Variants in GREB1 observed in about 807,000 individuals in gnomAD.
The protein encoded by GREB1 is protein GREB1.
Under a neutral mutation model 200.7 loss-of-function variants are expected in GREB1, and 106 were observed. That is an observed-to-expected ratio of 0.53 (90% CI 0.45 to 0.62). The LOEUF (loss-of-function observed/expected upper bound fraction) is 0.62, where lower values mean the gene tolerates loss of function less well. Ranked by LOEUF, GREB1 falls within the 20% of genes least tolerant of loss-of-function variation. GREB1 has a pLI of 0.00. For missense variants in GREB1, 2,243 were observed against 2,556.8 expected (o/e 0.88, Z 2.65); for synonymous variants, 1,132 against 1,092.4 (o/e 1.04, Z -0.72).
At chr2:11,506,886 T>C (rs1673195432) in intron 1 of GREB1, among the ~76,000 whole-genome samples, 1 of 151,976 alleles carries the variant, frequency 6.6e-6, no homozygotes, top group Non-Finnish European at 1.5e-5. Context: ...TCACACTTTG[T>C]TTTTCAGAAC....
chr2:11,605,059 A>G (rs1470775653), intron 17 of GREB1, among the ~76,000 whole-genome samples: 1 of 147,554 alleles, frequency 6.8e-6, no homozygotes, highest in Admixed American at 6.8e-5. Context: ...AAGGGTGGGC[A>G]TAGTTCTCTG....
chr2:11,598,857 T>A lies in GREB1; in HGVS notation c.2330T>A (p.Val777Glu). 1.2e-6 allele frequency: 2 copies of A among 1,612,608 alleles called. No homozygotes were observed. The highest frequency in any genetic ancestry group is 1.7e-6 in the Non-Finnish European group (2 of 1,178,686). ...CATGACCATGCGCACTGGGATCTTG[T>A]GAGGTTAGATTGACTTGATATATGA... ...LIHDHAHWDL[V>E]SSTVHNLYSQ... is the part of the protein sequence containing the mutation. The change falls in exon 15 of 33, where the codon GTG (valine) becomes GAG (glutamate). Residue 777 changes from valine to glutamate, a missense_variant. Around this residue, in one of 3 missense-constraint regions of GREB1, gnomAD observed 1,178 missense variants for 1,387.4 expected, o/e 0.85. Transcript: ENST00000381486.
At chr2:11,602,795 A>G (rs1681902694) in intron 17 of GREB1, among the ~76,000 whole-genome samples, 1 of 152,198 alleles carries the variant, frequency 6.6e-6, no homozygotes, top group Non-Finnish European at 1.5e-5. Context: ...GGAATGTGGA[A>G]TTATGTTTTT....
rs995859904 is a variant in GREB1, at chr2:11,638,197, A to G, written c.5547+281A>G. 5.8e-4 allele frequency among the ~76,000 whole-genome samples: 88 copies of G among 152,236 alleles called. 1 individual carries two copies. The highest frequency in any genetic ancestry group is 2.1e-3 in the African/African-American group (86 of 41,544). Reference sequence around the variant, plus strand: ...CTTTTGTCGCCCAGGCTGGAGTGCAATGGCACGATCTCAGCTCACTGCAGT... The same window carrying G: ...CTTTTGTCGCCCAGGCTGGAGTGCAGTGGCACGATCTCAGCTCACTGCAGT... On this transcript the variant is annotated intron_variant, in intron 31 of 32. Coordinates refer to ENST00000381486, the MANE Select transcript of GREB1 (RefSeq NM_014668.4).
intron 2 of GREB1, among the ~76,000 whole-genome samples, chr2:11,556,984 G>A (rs189834985): frequency 6.6e-6 from 1 of 152,352 alleles, no homozygotes; most frequent in African/African-American, 2.4e-5. Context: ...ATTATTCATT[G>A]AATCAGTAGG....
intron 4 of GREB1, among the ~76,000 whole-genome samples, chr2:11,572,391 C>T (rs1358554312): frequency 6.6e-6 from 1 of 152,174 alleles, no homozygotes; most frequent in Non-Finnish European, 1.5e-5. Flanking sequence ...AGGGAGTGGC[C>T]CCAGCAGTAA....
rs151273001 is a variant in GREB1, at chr2:11,483,440, GGT to G, written c.-159+1074_-159+1075del. 7.3e-5 allele frequency among the ~76,000 whole-genome samples: 11 copies of G among 150,662 alleles called. No homozygotes were observed. The East Asian group carries it at 1.4e-3, about 19-fold the overall frequency. On this transcript the variant is annotated intron_variant, in intron 1 of 2. Transcript: ENST00000628795. ...GTGACGGTGATAATCGTATTGCAAG[GGT>G]GTGTGTGTGTGTGTATCTGCCTCTG...
intron 5 of GREB1, among the ~76,000 whole-genome samples, chr2:11,577,732 CT>C (rs1265476301): frequency 6.6e-6 from 1 of 152,206 alleles, no homozygotes; most frequent in East Asian, 1.9e-4. Context: ...GCACGCCCCC[CT>C]CACACCCGAC....
In GREB1 at chr2:11,633,662, T is replaced by C; in HGVS notation, c.4992-469T>C. Among the ~76,000 whole-genome samples the C allele has an allele frequency of 6.6e-6, 1 of 151,920 alleles. No homozygotes were observed. Among genetic ancestry groups the C allele is most frequent in the East Asian group, 1.9e-4 (1 of 5,188 alleles). ...TATATAGACAAAAAAGAAAGTATAA[T>C]ACATATACAGAACTTTTCCCAAGCT... On this transcript the variant is annotated intron_variant, in intron 28 of 32. Coordinates refer to ENST00000381486, the MANE Select transcript of GREB1 (RefSeq NM_014668.4). The surrounding 1 kb of genome is among the most constrained non-coding windows in gnomAD (Gnocchi z 4.1).
intron 1 of GREB1, chr2:11,539,818 GGTT>G (rs927932646): frequency 5.7e-5 from 3 of 52,282 alleles, no homozygotes; most frequent in Admixed American, 1.9e-4. Context: ...TTTTTTTTTT[GGTT>G]GTTGTTGTAG....
chr2:11,497,971 CTTTTTTT>C (rs70955803), intron 1 of GREB1, among the ~76,000 whole-genome samples: 79 of 40,576 alleles, frequency 1.9e-3, no homozygotes, highest in Non-Finnish European at 3.0e-3. Context: ...CAGAGCAAAA[CTTTTTTT>C]TTTTTTTTTT....
chr2:11,615,134 T>C lies in GREB1; in HGVS notation c.3166T>C (p.Leu1056=). ...CCTGCGATTGATAAACTCCTCCTGCTTGGTGAGAACAGCCTTGGAGCAGGA... is the reference window on the plus strand; with the variant it reads ...CCTGCGATTGATAAACTCCTCCTGCCTGGTGAGAACAGCCTTGGAGCAGGA... The part of the protein sequence containing the change: ...CDLRLINSSC[L]VRTALEQELG... Residue 1056 remains leucine, a synonymous_variant, in exon 20 of 33, where the codon TTG becomes CTG. Coordinates refer to ENST00000381486, the MANE Select transcript of GREB1 (RefSeq NM_014668.4). 5.6e-6 allele frequency: 9 copies of C among 1,614,220 alleles called. No homozygotes were observed. The Middle Eastern group carries it at 6.6e-4, about 118-fold the overall frequency.
intron 1 of GREB1, among the ~76,000 whole-genome samples, chr2:11,546,064 C>T (rs1236302737): frequency 2.6e-5 from 4 of 152,112 alleles, no homozygotes; most frequent in Non-Finnish European, 5.9e-5. Context: ...GTAGTCCCAG[C>T]TACTCGGGAG....
intron 22 of GREB1, among the ~76,000 whole-genome samples, chr2:11,619,230 T>C (rs1683797773): frequency 2.0e-5 from 3 of 152,182 alleles, no homozygotes; most frequent in Non-Finnish European, 4.4e-5. Flanking sequence ...CTCTGACAAA[T>C]AGAAACAAAA....
At chr2:11,515,386 A>C (rs1052011978) in intron 1 of GREB1, among the ~76,000 whole-genome samples, 1 of 152,274 alleles carries the variant, frequency 6.6e-6, no homozygotes, top group Non-Finnish European at 1.5e-5. Flanking sequence ...AATGTCATTA[A>C]CTGCAAGCCT....
chr2:11,612,745 G>T (rs1426888441), intron 19 of GREB1, 135 bp downstream of exon 19: 2 of 598,370 alleles, frequency 3.3e-6, no homozygotes, highest in African/African-American at 3.7e-5. Flanking sequence ...CGTGGGTGGG[G>T]CCTTCATCGT....
chr2:11,627,168 T>C, intron 25 of GREB1, 64 bp downstream of exon 25: 4 of 1,417,484 alleles, frequency 2.8e-6, no homozygotes, highest in Non-Finnish European at 3.8e-6. Flanking sequence ...TCCCCTGCTC[T>C]CTCACGCTTT....
chr2:11,541,588 G>A (rs891865433), intron 1 of GREB1, among the ~76,000 whole-genome samples: 5 of 152,120 alleles, frequency 3.3e-5, no homozygotes, highest in African/African-American at 7.2e-5. Flanking sequence ...TAGGCTCCTC[G>A]TGCTACTCAC....
chr2:11,592,203 TAA>T (rs1474319948), intron 10 of GREB1: 11 of 279,348 alleles, frequency 3.9e-5, no homozygotes, highest in African/African-American at 3.8e-4. Context: ...TTTTTTTTTT[TAA>T]CAACAGCAGT....
Sources: allele counts gnomAD v4.1 joint callset (sites outside exome capture counted in the v4.1 genomes callset), GRCh38; gene constraint gnomAD v4.1.1; regional missense constraint gnomAD v4.1.1; non-coding constraint Gnocchi (gnomAD v3.1); transcripts MANE v1.5; gene names NCBI Gene and HGNC (gene_info 2026-07-23, HGNC 2026-07-21).